KLK6: variants seen among roughly 807,000 people sequenced by gnomAD.
The protein encoded by KLK6 is kallikrein related peptidase 6.
In KLK6, 16 loss-of-function variants were observed where a neutral mutation model predicts 21.7. That is an observed-to-expected ratio of 0.74 (90% CI 0.50 to 1.12). KLK6 has a LOEUF of 1.12. Ranked by LOEUF, KLK6 falls within the 50% of genes most tolerant of loss-of-function variation. The probability of loss-of-function intolerance (pLI) is 0.00; values close to 1 mark genes in which losing one functional copy is unlikely to be tolerated. For synonymous variants in KLK6, 116 were observed against 120.1 expected, an observed-to-expected ratio of 0.97 and a Z score of 0.22; for missense variants, 276 against 304.6, an observed-to-expected ratio of 0.91 and a Z score of 0.70.
chr19:50,965,367 C>T (rs1275567284), intron 4 of KLK6, among the ~76,000 whole-genome samples: 1 of 152,080 alleles, frequency 6.6e-6, no homozygotes, highest in Non-Finnish European at 1.5e-5. Context: ...TCACTGCAAC[C>T]TCCGCCTCCC....
Position 50,959,001 on chromosome 19 carries a change from C to G in KLK6, c.*163G>C. The stretch of plus-strand genomic sequence containing the variant: ...CCTCCCCAGTGATGCAAGGATGGAG[C>G]TGGGGTAAAACCAGGGAGAATCAGG... On this transcript the variant is annotated 3_prime_UTR_variant, in exon 7 of 7. Transcript: ENST00000310157. The G allele has an allele frequency of 1.4e-6, 1 of 731,096 alleles. No homozygotes were observed. 45.3% of individuals were successfully genotyped at this position (731,096 alleles called of 1,614,324 possible).
intron 6 of KLK6, among the ~76,000 whole-genome samples, chr19:50,960,536 G>A (rs1009956586): frequency 6.6e-6 from 1 of 152,062 alleles, no homozygotes; most frequent in Non-Finnish European, 1.5e-5. Flanking sequence ...AGGACTCGTG[G>A]GGGCTCTGTT....
intron 3 of KLK6, among the ~76,000 whole-genome samples, chr19:50,967,745 C>A (rs1231382859): frequency 6.6e-6 from 1 of 151,752 alleles, no homozygotes; most frequent in African/African-American, 2.4e-5. Flanking sequence ...CCCAAACTTA[C>A]CCCATTCCCA....
chr19:50,964,445 A>G (rs917255077), intron 4 of KLK6, among the ~76,000 whole-genome samples: 2 of 152,150 alleles, frequency 1.3e-5, no homozygotes, highest in Admixed American at 6.5e-5. Flanking sequence ...CTGTCCACTA[A>G]ATGCTACGAT....
Position 50,959,363 on chromosome 19 carries a change from CTGTGTGTG to C in KLK6, c.583-55_583-48del, listed in dbSNP as rs71185782. The stretch of plus-strand genomic sequence containing the variant: ...TCAGATACAGATAGAAACCCAGAGA[CTGTGTGTG>C]TGTGTGTGTGTGTGTGTGTGTGTGT... On this transcript the variant is annotated intron_variant, in intron 6 of 6. Coordinates refer to ENST00000310157, the MANE Select transcript of KLK6 (RefSeq NM_002774.4). 7,137 of 840,588 alleles carry C rather than the reference CTGTGTGTG, an allele frequency of 8.5e-3. 149 individuals carry two copies. Among genetic ancestry groups the C allele is most frequent in the African/African-American group, 0.081 (4,181 of 51,560 alleles). The allele number at this position is 840,588 out of a possible 1,614,324, so 52.1% of individuals were successfully genotyped here.
At chr19:50,966,575 C>T (rs951012601) in intron 4 of KLK6, among the ~76,000 whole-genome samples, 17 of 152,104 alleles carry the variant, frequency 1.1e-4, no homozygotes, top group African/African-American at 3.6e-4. Flanking sequence ...GCGAGGCGGG[C>T]GGATCACCTG....
At chr19:50,963,796 T>C in intron 4 of KLK6, 1 of 514,292 alleles carries the variant, frequency 1.9e-6, no homozygotes, top group Non-Finnish European at 3.5e-6. Context: ...TCTGGCCACA[T>C]CTCACCTTTC....
At chr19:50,967,131 T>C in intron 4 of KLK6, 38 bp downstream of exon 4, 1 of 1,612,826 alleles carries the variant, frequency 6.2e-7, no homozygotes, top group South Asian at 1.1e-5. Context: ...CCCTCAGGGT[T>C]CAGTCGCATC....
At chr19:50,961,459 G>T (rs995322690) in intron 6 of KLK6, among the ~76,000 whole-genome samples, 1 of 152,260 alleles carries the variant, frequency 6.6e-6, no homozygotes, top group Middle Eastern at 3.4e-3. Context: ...GGCATGAGCC[G>T]CTGCTCCTGG....
chr19:50,961,435 G>T (rs1305434443), intron 6 of KLK6, among the ~76,000 whole-genome samples: 2 of 152,272 alleles, frequency 1.3e-5, no homozygotes, highest in Non-Finnish European at 2.9e-5. Context: ...GCCTCCCAAA[G>T]TGCCGGGATT....
In KLK6 at chr19:50,963,435, G is replaced by T. The variant is rs749688710; in HGVS notation, c.312C>A (p.Asp104Glu). Residue 104 changes from aspartate to glutamate, a missense_variant, in exon 5 of 7, where the codon GAC (aspartate) becomes GAA (glutamate). By Grantham distance (45) the Asp-to-Glu change is conservative. Coordinates refer to ENST00000310157, the MANE Select transcript of KLK6 (RefSeq NM_002774.4). ...CCAGGCGCAACAGCATGATGTCCTG[G>T]TCATGGCTGGCGGCATCATAGTCAG... ...IHPDYDAASH[D>E]QDIMLLRLAR... 4 of 1,614,216 alleles carry T rather than the reference G, an allele frequency of 2.5e-6. No individual in the cohort carries two copies. The highest frequency in any genetic ancestry group is 3.4e-6 in the Non-Finnish European group (4 of 1,180,038).
intron 3 of KLK6, 145 bp from the exon 4 acceptor site, chr19:50,967,470 G>A: frequency 1.4e-6 from 1 of 693,536 alleles, no homozygotes; most frequent in Non-Finnish European, 2.3e-6. Flanking sequence ...TTGAGCCCAG[G>A]AGTTTGAGAC....
In KLK6 at chr19:50,959,187, G is replaced by A; in HGVS notation, c.712C>T (p.Gln238Ter). 1 of 1,614,080 alleles carries A rather than the reference G, an allele frequency of 6.2e-7. No homozygotes were observed. Among genetic ancestry groups the A allele is most frequent in the Non-Finnish European group, 8.5e-7 (1 of 1,179,986 alleles). Residue 238 changes from glutamine to a stop codon, truncating the protein, a stop_gained, in exon 7 of 7, where the codon CAA (glutamine) becomes TAA (stop). Transcript: ENST00000310157. LOFTEE classifies it low-confidence loss of function (END_TRUNC). ...GGTCACTTGGCCTGAATGGTTTTTT[G>A]GATCCAGTTCGTGTATCTGCAGACG... ...TNVCRYTNWI[Q>*]KTIQAK
chr19:50,962,000 C>T, intron 5 of KLK6, 120 bp from the exon 6 acceptor site: 1 of 1,061,342 alleles, frequency 9.4e-7, no homozygotes. Flanking sequence ...TCTATTGGCA[C>T]CCCTCTTCCT....
At chr19:50,961,686 G>A (rs988679768) in intron 6 of KLK6, 58 bp downstream of exon 6, 6 of 1,584,856 alleles carry the variant, frequency 3.8e-6, no homozygotes, top group Non-Finnish European at 5.2e-6. Flanking sequence ...GTCTGGCCAT[G>A]TTTTTGTGAC....
chr19:50,961,448 A>G (rs1450373903), intron 6 of KLK6, among the ~76,000 whole-genome samples: 3 of 152,262 alleles, frequency 2.0e-5, no homozygotes, highest in Non-Finnish European at 4.4e-5. Flanking sequence ...CCGGGATTAC[A>G]GGCATGAGCC....
Position 50,967,345 on chromosome 19 carries a change from A to G in KLK6, c.41-20T>C. ...CCCAGGCTGAGGGAGAGAAGATCTG[A>G]GTCAGAGAGGAGTTCTGGAGAAACC... On this transcript the variant is annotated intron_variant, in intron 3 of 6. Coordinates refer to ENST00000310157, the MANE Select transcript of KLK6 (RefSeq NM_002774.4). The G allele has an allele frequency of 6.3e-7, 1 of 1,580,694 alleles. No homozygotes were observed. The highest frequency in any genetic ancestry group is 8.6e-7 in the Non-Finnish European group (1 of 1,161,870).
intron 3 of KLK6, among the ~76,000 whole-genome samples, chr19:50,967,549 A>ACACACACACACG (rs1259510136): frequency 1.3e-5 from 2 of 151,102 alleles, no homozygotes; most frequent in African/African-American, 4.9e-5. Flanking sequence ...ACACACACAC[A>ACACACACACACG]CAAATTAGCA....
At chr19:50,960,252 T>C (rs886770280) in intron 6 of KLK6, among the ~76,000 whole-genome samples, 1 of 151,732 alleles carries the variant, frequency 6.6e-6, no homozygotes, top group African/African-American at 2.4e-5. Context: ...CCTCGTGTCT[T>C]GAGGACAGTC....
Sources: gnomAD v4.1 joint callset for allele counts (sites outside exome capture counted in the v4.1 genomes callset) on GRCh38, gnomAD v4.1.1 for gene constraint, MANE v1.5 for transcripts, NCBI Gene and HGNC (gene_info 2026-07-23, HGNC 2026-07-21) for gene names.